The following SNTB1 variants were observed in gnomAD, a reference collection of about 807,000 sequenced individuals.
The protein encoded by SNTB1 is syntrophin beta 1.
Under a neutral mutation model 48.9 loss-of-function variants are expected in SNTB1, and 36 were observed. The observed-to-expected ratio is 0.74, with a 90% confidence interval of 0.56 to 0.97. The LOEUF (loss-of-function observed/expected upper bound fraction) is 0.97. Among genes scored for constraint, SNTB1 ranks in the 50% least tolerant of loss-of-function variants. SNTB1 has a pLI of 0.00. For synonymous variants in SNTB1, 299 were observed against 294.6 expected (o/e 1.01, Z -0.15); for missense variants, 786 against 703.4 (o/e 1.12, Z -1.33).
At chr8:120,554,430 G>T (rs1815531475) in intron 4 of SNTB1, among the ~76,000 whole-genome samples, 1 of 152,138 alleles carries the variant, frequency 6.6e-6, no homozygotes, top group Non-Finnish European at 1.5e-5. Context: ...CCAGACGTAG[G>T]ACAATGAGCG....
At chr8:120,555,650 T>C (rs1046625978) in intron 4 of SNTB1, among the ~76,000 whole-genome samples, 19 of 152,276 alleles carry the variant, frequency 1.2e-4, no homozygotes, top group African/African-American at 4.6e-4. Context: ...TGGGGCAGCT[T>C]TTCATTAAAA....
At position 120,712,414 on chromosome 8, in the gene SNTB1, C is replaced by CAA. The variant is rs370583854; in HGVS notation, c.572-18508_572-18507dup. On this transcript the variant is annotated intron_variant, in intron 1 of 6. Transcript: ENST00000517992. ...CTGGTGACAGTGTGAGACTCCATCT[C>CAA]AAAAAAAAAAAAAAAAAAAGAAGAA... is the stretch of plus-strand genomic sequence containing the variant. 1.4e-3 allele frequency among the ~76,000 whole-genome samples: 116 copies of CAA among 81,232 alleles called. 2 individuals are homozygous for CAA. The highest frequency in any genetic ancestry group is 3.8e-3 in the Admixed American group (31 of 8,244). The allele number at this position is 81,232 out of a possible 152,430, so 53.3% of individuals were successfully genotyped here. A position where few individuals can be genotyped will look rare whatever the true frequency, so the allele number is the denominator to read the frequency against.
At chr8:120,717,144 C>T (rs1031727280) in intron 1 of SNTB1, among the ~76,000 whole-genome samples, 1 of 152,180 alleles carries the variant, frequency 6.6e-6, no homozygotes. Context: ...TTGTAGGAGG[C>T]TGCCCAGGAA....
At chr8:120,646,001 T>A (rs1282421855) in intron 2 of SNTB1, among the ~76,000 whole-genome samples, 1 of 150,944 alleles carries the variant, frequency 6.6e-6, no homozygotes, top group Admixed American at 6.6e-5. Flanking sequence ...TTGTGATTTT[T>A]ACACATTGAT....
At chr8:120,595,351 G>T (rs910655968) in intron 3 of SNTB1, among the ~76,000 whole-genome samples, 2 of 152,092 alleles carry the variant, frequency 1.3e-5, no homozygotes, top group African/African-American at 4.8e-5. Flanking sequence ...CAAAACCAAG[G>T]TGGCAACAAG....
chr8:120,740,763 T>C (rs967917041), intron 1 of SNTB1, among the ~76,000 whole-genome samples: 3 of 151,600 alleles, frequency 2.0e-5, no homozygotes, highest in Middle Eastern at 3.4e-3. Context: ...TCTTCTTCTT[T>C]TTTTTTTAAT....
intron 1 of SNTB1, among the ~76,000 whole-genome samples, chr8:120,720,552 T>C (rs1818642167): frequency 6.6e-6 from 1 of 152,232 alleles, no homozygotes; most frequent in Non-Finnish European, 1.5e-5. Flanking sequence ...GGCTTTCCCT[T>C]TCTGCCTGAC....
chr8:120,575,792 A>G (rs1815941393), intron 3 of SNTB1, among the ~76,000 whole-genome samples: 1 of 152,116 alleles, frequency 6.6e-6, no homozygotes, highest in Non-Finnish European at 1.5e-5. Flanking sequence ...CACCACCCAT[A>G]ATTTATTAAC....
intron 2 of SNTB1, among the ~76,000 whole-genome samples, chr8:120,667,371 G>C (rs1817689693): frequency 6.6e-6 from 1 of 152,166 alleles, no homozygotes; most frequent in East Asian, 1.9e-4. Flanking sequence ...TGTGGTCGTG[G>C]AAATGGAGAG....
At chr8:120,643,684 T>G (rs990355260) in intron 2 of SNTB1, among the ~76,000 whole-genome samples, 5 of 152,360 alleles carry the variant, frequency 3.3e-5, no homozygotes, top group African/African-American at 1.2e-4. Flanking sequence ...ATTTAGGTTG[T>G]TTCCACATTT....
intron 3 of SNTB1, among the ~76,000 whole-genome samples, chr8:120,608,189 G>A (rs970244021): frequency 8.5e-5 from 13 of 152,262 alleles, no homozygotes; most frequent in South Asian, 8.3e-4. Flanking sequence ...ATGAAGATGA[G>A]CTCACTGTCC....
intron 3 of SNTB1, among the ~76,000 whole-genome samples, chr8:120,617,739 A>T (rs1252872309): frequency 1.3e-5 from 2 of 152,234 alleles, no homozygotes; most frequent in Admixed American, 1.3e-4. Context: ...TAGCTCTGAG[A>T]CCGGAGGTCT....
chr8:120,601,813 G>A (rs1372108450), intron 3 of SNTB1, among the ~76,000 whole-genome samples: 7 of 152,168 alleles, frequency 4.6e-5, no homozygotes, highest in African/African-American at 7.2e-5. Flanking sequence ...TCTACAAGAC[G>A]CGCATGCCAA....
rs139103245 is a variant in SNTB1, at chr8:120,722,208, G to A, written c.572-28300C>T. Among the ~76,000 whole-genome samples, 664 of 152,192 alleles carry A rather than the reference G, an allele frequency of 4.4e-3. 6 individuals carry two copies. The highest frequency in any genetic ancestry group is 0.015 in the African/African-American group (608 of 41,508). ...GTGAATAGTGCCACAATAAACATAC[G>A]TGCACATGTGTCTTTATAGTAGCAT... On this transcript the variant is annotated intron_variant, in intron 1 of 6. Transcript: ENST00000517992.
At chr8:120,762,030 A>G (rs1407326111) in intron 1 of SNTB1, among the ~76,000 whole-genome samples, 2 of 152,206 alleles carry the variant, frequency 1.3e-5, no homozygotes, top group Non-Finnish European at 2.9e-5. Flanking sequence ...TTTCAAGAAC[A>G]ACCTGTTTTT....
chr8:120,746,954 T>C lies in SNTB1; in HGVS notation c.572-53046A>G, dbSNP rs191481383. On this transcript the variant is annotated intron_variant, in intron 1 of 6. Transcript: ENST00000517992. The stretch of plus-strand genomic sequence containing the variant: ...TCAGTCACAAGGATGTCATCATGAA[T>C]AGTTTGTAATAGGGAGCAACATGCA... 3.9e-5 allele frequency among the ~76,000 whole-genome samples: 6 copies of C among 152,256 alleles called. No individual in the cohort carries two copies. In the East Asian group the frequency reaches 1.2e-3, roughly 29 times the overall value.
chr8:120,700,254 T>C (rs1187138192), intron 1 of SNTB1, among the ~76,000 whole-genome samples: 1 of 151,138 alleles, frequency 6.6e-6, no homozygotes, highest in Non-Finnish European at 1.5e-5. Flanking sequence ...GGCTATTGCC[T>C]GTAACATGAG....
intron 2 of SNTB1, among the ~76,000 whole-genome samples, chr8:120,663,944 T>A (rs948388762): frequency 6.6e-6 from 1 of 152,194 alleles, no homozygotes; most frequent in Non-Finnish European, 1.5e-5. Context: ...TTTAGGAAAT[T>A]GCGTCCTCCA....
intron 3 of SNTB1, among the ~76,000 whole-genome samples, chr8:120,578,496 C>T (rs1168133799): frequency 6.6e-6 from 1 of 152,202 alleles, no homozygotes; most frequent in East Asian, 1.9e-4. Context: ...TTTGTTAACA[C>T]ATGACTCCTG....
Sources: gnomAD v4.1 joint callset for allele counts (sites outside exome capture counted in the v4.1 genomes callset) on GRCh38, gnomAD v4.1.1 for gene constraint, MANE v1.5 for transcripts, NCBI Gene and HGNC (gene_info 2026-07-23, HGNC 2026-07-21) for gene names.